Variants in P2RY8 observed in about 807,000 individuals in gnomAD.
The protein encoded by P2RY8 is P2Y receptor family member 8.
Under a neutral mutation model 10.0 loss-of-function variants are expected in P2RY8, and 6 were observed. The observed-to-expected ratio is 0.60, with a 90% CI of 0.33 to 1.19. The LOEUF (loss-of-function observed/expected upper bound fraction) is 1.19. P2RY8 is among the 50% of genes most tolerant of loss of function. P2RY8 has a pLI of 0.04. For missense variants in P2RY8, 456 were observed against 542.0 expected, an observed-to-expected ratio of 0.84 and a Z score of 1.58; for synonymous variants, 276 against 252.5, an observed-to-expected ratio of 1.09 and a Z score of -0.88.
intron 1 of P2RY8, among the ~76,000 whole-genome samples, chrX:1,535,380 G>C (rs112160353): frequency 6.6e-6 from 1 of 151,242 alleles, no homozygotes; most frequent in Admixed American, 6.6e-5. Context: ...TAGAGACGGG[G>C]TTTCACTATG....
chrX:1,508,531 A>C (rs1320800226), intron 1 of P2RY8, among the ~76,000 whole-genome samples: 1 of 152,122 alleles, frequency 6.6e-6, no homozygotes, highest in Non-Finnish European at 1.5e-5. Flanking sequence ...GTATCCATCT[A>C]TGTATCTACC....
intron 1 of P2RY8, among the ~76,000 whole-genome samples, chrX:1,501,571 G>A (rs527516039): frequency 1.5e-4 from 23 of 151,862 alleles, no homozygotes; most frequent in South Asian, 6.3e-4. Context: ...ATATTGCCCC[G>A]TCTTAGTTTT....
chrX:1,490,710 A>G (rs1195571369), intron 1 of P2RY8, among the ~76,000 whole-genome samples: 2 of 149,550 alleles, frequency 1.3e-5, no homozygotes, highest in African/African-American at 2.5e-5. Flanking sequence ...GAATGAATGA[A>G]TGATACCCAG....
chrX:1,498,405 CAAAAA>C (rs1175667773), intron 1 of P2RY8, among the ~76,000 whole-genome samples: 2 of 70,626 alleles, frequency 2.8e-5, no homozygotes, highest in East Asian at 3.1e-4. Flanking sequence ...GACTCTGTCT[CAAAAA>C]AAAAAAAAAA....
At chrX:1,532,368 TAC>T (rs1232513037) in intron 1 of P2RY8, among the ~76,000 whole-genome samples, 1,664 of 142,118 alleles carry the variant, frequency 0.012, 47 homozygotes, top group African/African-American at 0.024. Flanking sequence ...TATACACATA[TAC>T]GTATATGATG....
chrX:1,466,490 C>A lies in P2RY8; in HGVS notation c.69G>T (p.Ala23=), dbSNP rs143062499. 1.9e-5 allele frequency: 30 copies of A among 1,611,270 alleles called. No individual in the cohort carries two copies. In the African/African-American group the frequency reaches 3.3e-4, roughly 18 times the overall value. Residue 23 remains alanine, a synonymous_variant, in exon 2 of 2, where the codon GCG becomes GCT. Coordinates refer to ENST00000381297, the MANE Select transcript of P2RY8 (RefSeq NM_178129.5). ...TLQMLRNPAI[A]VALPVVYSLV... is the part of the protein sequence containing the mutation. Reference sequence around the variant, plus strand: ...GCGAGTACACCACGGGCAGGGCCACCGCGATCGCCGGGTTCCGCAGCATCT... The same window carrying A: ...GCGAGTACACCACGGGCAGGGCCACAGCGATCGCCGGGTTCCGCAGCATCT...
intron 1 of P2RY8, among the ~76,000 whole-genome samples, chrX:1,516,218 A>AC (rs1446660299): frequency 6.8e-5 from 10 of 147,212 alleles, no homozygotes; most frequent in African/African-American, 2.5e-4. Flanking sequence ...AACAACAACA[A>AC]AAAAAAAACA....
chrX:1,474,904 G>GGATT (rs1357669719), intron 1 of P2RY8, among the ~76,000 whole-genome samples: 29 of 144,710 alleles, frequency 2.0e-4, no homozygotes, highest in African/African-American at 7.0e-4. Context: ...ATGGATGGAT[G>GGATT]GATAAGTGGG....
intron 1 of P2RY8, among the ~76,000 whole-genome samples, chrX:1,519,881 C>A (rs1473208882): frequency 1.3e-5 from 2 of 151,470 alleles, no homozygotes; most frequent in Non-Finnish European, 2.9e-5. Flanking sequence ...CTAATAATCT[C>A]TCTGGTCCCC....
chrX:1,465,856 C>A lies in P2RY8; in HGVS notation c.703G>T (p.Ala235Ser), dbSNP rs2091663870. 6.2e-7 allele frequency: 1 copy of A among 1,612,562 alleles called. No individual in the cohort carries two copies. The change falls in exon 2 of 2, where the codon GCG becomes TCG. Residue 235 changes from alanine (A) to serine (S), a missense_variant. Coordinates refer to ENST00000381297, the MANE Select transcript of P2RY8 (RefSeq NM_178129.5). Reference sequence around the variant, plus strand: ...AAGACCACCGCGGCCAGGCCCACCGCGCGCCTCCGCTGCTCCCGGCCGTGC... The same window carrying A: ...AAGACCACCGCGGCCAGGCCCACCGAGCGCCTCCGCTGCTCCCGGCCGTGC... The part of the protein sequence containing the change: ...EAHGREQRRR[A>S]VGLAAVVLLA...
At chrX:1,525,684 C>T (rs1188341548) in intron 1 of P2RY8, among the ~76,000 whole-genome samples, 2 of 152,076 alleles carry the variant, frequency 1.3e-5, no homozygotes, top group Non-Finnish European at 2.9e-5. Flanking sequence ...TGTATGTATT[C>T]ATGCATCCAT....
intron 1 of P2RY8, among the ~76,000 whole-genome samples, chrX:1,526,216 TCATC>T (rs1428867630): frequency 6.7e-6 from 1 of 150,116 alleles, no homozygotes; most frequent in Admixed American, 6.6e-5. Flanking sequence ...ATCCATCTGT[TCATC>T]CATCCATCCA....
intron 1 of P2RY8, among the ~76,000 whole-genome samples, chrX:1,507,875 G>A (rs1456366435): frequency 6.6e-6 from 1 of 152,130 alleles, no homozygotes; most frequent in Non-Finnish European, 1.5e-5. Context: ...CTGATAACAT[G>A]TAAAGGCACG....
intron 1 of P2RY8, among the ~76,000 whole-genome samples, chrX:1,524,588 TCCA>T (rs2092421146): frequency 2.1e-5 from 3 of 143,612 alleles, no homozygotes; most frequent in Non-Finnish European, 4.6e-5. Context: ...CATCCATCCA[TCCA>T]TCCATTCATC....
rs117839111 is a variant in P2RY8, at chrX:1,464,598, G to A, written c.*881C>T. ...TGGGATGGGCTGGACCCCATCTCAC[G>A]GAGCCTCCTTTCCGCACCTGGGCCT... On this transcript the variant is annotated 3_prime_UTR_variant, in exon 2 of 2. Coordinates refer to ENST00000381297, the MANE Select transcript of P2RY8 (RefSeq NM_178129.5). 0.01 allele frequency: 2,395 copies of A among 233,358 alleles called. 48 individuals are homozygous for A. The highest frequency in any genetic ancestry group is 0.05 in the African/African-American group (2,263 of 45,446). The allele number at this position is 233,358 out of a possible 1,614,324, so 14.5% of individuals were successfully genotyped here. A position where few individuals can be genotyped will look rare whatever the true frequency, so the allele number is the denominator to read the frequency against.
intron 1 of P2RY8, among the ~76,000 whole-genome samples, chrX:1,500,072 A>G (rs2092161734): frequency 6.8e-6 from 1 of 146,508 alleles, no homozygotes; most frequent in Non-Finnish European, 1.5e-5. Flanking sequence ...GTTAGCCAGG[A>G]TGGTCTCGAT....
intron 1 of P2RY8, among the ~76,000 whole-genome samples, chrX:1,511,640 C>A (rs1437773278): frequency 2.0e-5 from 3 of 152,206 alleles, no homozygotes; most frequent in Non-Finnish European, 2.9e-5. Flanking sequence ...CCACTTCAAC[C>A]TCCCAAAGCA....
At chrX:1,499,163 CTTTTT>C (rs1163119480) in intron 1 of P2RY8, among the ~76,000 whole-genome samples, 1,426 of 48,434 alleles carry the variant, frequency 0.029, 23 homozygotes, top group African/African-American at 0.073. Context: ...TTTTTCTTTT[CTTTTT>C]TTTTTTTTTT....
At chrX:1,476,197 T>G (rs758087403) in intron 1 of P2RY8, among the ~76,000 whole-genome samples, 3 of 152,184 alleles carry the variant, frequency 2.0e-5, no homozygotes, top group Non-Finnish European at 2.9e-5. Flanking sequence ...ATGACCAAGT[T>G]GTTCAGGATT....
Sources: gnomAD v4.1 joint callset for allele counts (sites outside exome capture counted in the v4.1 genomes callset) on GRCh38, gnomAD v4.1.1 for gene constraint, MANE v1.5 for transcripts, NCBI Gene and HGNC (gene_info 2026-07-23, HGNC 2026-07-21) for gene names.